The following CAPS2 variants were observed in gnomAD, a reference collection of about 807,000 sequenced individuals.
The protein encoded by CAPS2 is calcyphosine 2, also known as calcyphosin-2.
A neutral mutation model predicts 86.5 loss-of-function variants in CAPS2; 98 were observed. The observed-to-expected ratio is 1.13, with a 90% CI of 0.96 to 1.34. The LOEUF (loss-of-function observed/expected upper bound fraction) is 1.34. Among genes scored for constraint, CAPS2 ranks in the 40% most tolerant of loss-of-function variants. The pLI, the probability that CAPS2 is intolerant of heterozygous loss-of-function variation, is 0.00. For synonymous variants in CAPS2, 210 were observed against 225.1 expected (o/e 0.93, Z 0.60); for missense variants, 729 against 686.8 (o/e 1.06, Z -0.69).
chr12:75,328,901 C>T (rs553104465), upstream of CAPS2, among the ~76,000 whole-genome samples: 1 of 152,310 alleles, frequency 6.6e-6, no homozygotes, highest in African/African-American at 2.4e-5. Flanking sequence ...ATTCAAAGGG[C>T]AATGCCGTCA....
At chr12:75,380,824 A>T (rs2044922618) in intron 1 of CAPS2, among the ~76,000 whole-genome samples, 1 of 152,192 alleles carries the variant, frequency 6.6e-6, no homozygotes, top group Non-Finnish European at 1.5e-5. Context: ...AACTACATTC[A>T]AATTTACCAA....
chr12:75,278,443 A>G lies in CAPS2; in HGVS notation c.*447T>C. ...TCTCACTGGCTTTGGGCCCAATTCT[A>G]ATTTATCAAATTGACCATGGTGGCA... On this transcript the variant is annotated 3_prime_UTR_variant, in exon 17 of 17. Coordinates refer to ENST00000393284, the Ensembl canonical transcript of CAPS2. 20 of 985,344 alleles carry G rather than the reference A, an allele frequency of 2.0e-5. 1 individual carries two copies. The Middle Eastern group carries it at 1.6e-3, about 77-fold the overall frequency. 61.0% of individuals were successfully genotyped at this position (985,344 alleles called of 1,614,324 possible). A position where few individuals can be genotyped will look rare whatever the true frequency, so the allele number is the denominator to read the frequency against.
At chr12:75,280,613 CTAAT>C (rs1265362880) in intron 16 of CAPS2, among the ~76,000 whole-genome samples, 9 of 151,392 alleles carry the variant, frequency 5.9e-5, no homozygotes, top group Middle Eastern at 3.5e-3. Context: ...TTTAGTATGA[CTAAT>C]TAAGAGAAAC....
intron 1 of CAPS2, chr12:75,360,333 A>C (rs1422403233): frequency 6.6e-6 from 1 of 152,138 alleles, no homozygotes; most frequent in Non-Finnish European, 1.5e-5. Context: ...CCATAATCCA[A>C]AGTCTCATCT....
exon 17 of CAPS2, chr12:75,278,787 AG>A (rs1348874314): frequency 3.7e-6 from 5 of 1,346,762 alleles, no homozygotes; most frequent in Non-Finnish European, 4.8e-6. Context: ...ACCAGAATAA[AG>A]GAAGTCCTAG....
chr12:75,363,252 A>C, intron 1 of CAPS2: 1 of 786,252 alleles, frequency 1.3e-6, no homozygotes, highest in Non-Finnish European at 1.8e-6. Flanking sequence ...TATTTATTAA[A>C]TTTTAAAATT....
At chr12:75,349,958 G>A (rs987698947) in intron 1 of CAPS2, among the ~76,000 whole-genome samples, 9 of 152,320 alleles carry the variant, frequency 5.9e-5, no homozygotes, top group South Asian at 2.1e-4. Context: ...GCTGGCCAGC[G>A]GGGCAGGCTG....
intron 1 of CAPS2, chr12:75,390,754 T>C (rs2045547856): frequency 2.0e-6 from 1 of 494,230 alleles, no homozygotes; most frequent in Non-Finnish European, 4.1e-6. Context: ...TGATGACTCA[T>C]TAATAACGAC....
intron 5 of CAPS2, among the ~76,000 whole-genome samples, chr12:75,320,452 C>A (rs1338156126): frequency 6.6e-6 from 1 of 151,948 alleles, no homozygotes; most frequent in Admixed American, 6.6e-5. Context: ...TTATAGACAC[C>A]AGATTATCAT....
intron 1 of CAPS2, among the ~76,000 whole-genome samples, chr12:75,358,136 C>G (rs893003771): frequency 8.6e-5 from 13 of 151,266 alleles, no homozygotes; most frequent in Non-Finnish European, 1.3e-4. Context: ...AATATGAGAA[C>G]ATAGGTGATA....
chr12:75,390,388 A>T (rs1240064829), intron 1 of CAPS2: 1 of 456,272 alleles, frequency 2.2e-6, no homozygotes, highest in Admixed American at 2.3e-5. Context: ...TGTGCTGATG[A>T]GAGAAGAAGT....
chr12:75,276,653 T>C, downstream of CAPS2: 1 of 841,304 alleles, frequency 1.2e-6, no homozygotes, highest in Non-Finnish European at 1.4e-6. Context: ...TAATAAAATG[T>C]TTTTCCTTAA....
intron 9 of CAPS2, 116 bp downstream of exon 9, chr12:75,299,721 C>T (rs926898407): frequency 2.6e-5 from 12 of 462,992 alleles, no homozygotes; most frequent in Non-Finnish European, 4.3e-5. Flanking sequence ...TCTAAATTCA[C>T]GTATTTTTAT....
chr12:75,316,338 G>A lies in CAPS2; in HGVS notation c.565C>T (p.Gln189Ter). 6.4e-7 allele frequency: 1 copy of A among 1,550,884 alleles called. No homozygotes were observed. Among genetic ancestry groups the A allele is most frequent in the Non-Finnish European group, 8.7e-7 (1 of 1,146,436 alleles). ...GCATCCAATTTTCTTGCCCTCTGTT[G>A]TTTATCGCAAGAGTTGTCTGCATAA... Residue 189 changes from glutamine (Q) to a stop codon, truncating the protein, a stop_gained, in exon 6 of 17, where the codon CAA (glutamine) becomes TAA (stop). Transcript: ENST00000393284. LOFTEE classifies it high-confidence loss of function.
chr12:75,299,747 C>G (rs1280889346), intron 9 of CAPS2, 90 bp downstream of exon 9: 1 of 567,878 alleles, frequency 1.8e-6, no homozygotes, highest in Non-Finnish European at 3.1e-6. Flanking sequence ...TGACACAAAC[C>G]TATATAATCT....
chr12:75,375,930 C>G (rs191378418), intron 1 of CAPS2, among the ~76,000 whole-genome samples: 1 of 152,170 alleles, frequency 6.6e-6, no homozygotes. Flanking sequence ...ATCTGGCATA[C>G]GGAGAGGAGC....
chr12:75,305,713 C>G (rs538314365), intron 7 of CAPS2: 14 of 674,124 alleles, frequency 2.1e-5, no homozygotes, highest in African/African-American at 1.8e-4. Context: ...AGGCGCACGA[C>G]GAGCTCGTGT....
chr12:75,305,375 C>T (rs2038329104), intron 7 of CAPS2: 1 of 381,842 alleles, frequency 2.6e-6, no homozygotes. Context: ...ACTTCCTCTC[C>T]AGGAGTCGGC....
chr12:75,355,714 C>T (rs2139501457), intron 1 of CAPS2, among the ~76,000 whole-genome samples: 1 of 152,266 alleles, frequency 6.6e-6, no homozygotes, highest in Non-Finnish European at 1.5e-5. Context: ...ATAGCAAAGA[C>T]ATGGAATCAA....
Sources: allele counts gnomAD v4.1 joint callset (sites outside exome capture counted in the v4.1 genomes callset), GRCh38; gene constraint gnomAD v4.1.1; transcripts MANE v1.5; gene names NCBI Gene and HGNC (gene_info 2026-07-23, HGNC 2026-07-21).